Variants in PRPSAP1 observed in about 807,000 individuals in gnomAD.
PRPSAP1 encodes the protein phosphoribosyl pyrophosphate synthase-associated protein 1.
In PRPSAP1, 31 loss-of-function variants were observed where a neutral mutation model predicts 39.4. The observed-to-expected ratio is 0.79, with a 90% CI of 0.59 to 1.06. PRPSAP1 has a LOEUF of 1.06. Ranked by LOEUF, PRPSAP1 falls within the 50% of genes least tolerant of loss-of-function variation. PRPSAP1 has a pLI of 0.00. For missense variants in PRPSAP1, 430 were observed against 511.6 expected (o/e 0.84, Z 1.54); for synonymous variants, 212 against 192.6 (o/e 1.10, Z -0.83).
At chr17:76,331,164 G>C (rs183287737) in intron 4 of PRPSAP1, among the ~76,000 whole-genome samples, 19 of 152,240 alleles carry the variant, frequency 1.2e-4, no homozygotes, top group Admixed American at 1.2e-3. Context: ...AATGTTTCAA[G>C]TATTCTTATA....
At position 76,328,780 on chromosome 17, in the gene PRPSAP1, C is replaced by T; in HGVS notation, c.718G>A (p.Asp240Asn). ...EAQCTELDMD[D>N]GRHSPPMVKN... ...ACCATAGGCGGGGAGTGACGACCAT[C>T]GTCCATGTCCAGTTCCGTGCACTGA... The change falls in exon 7 of 10, where the codon GAT (aspartate) becomes AAT (asparagine). Residue 240 changes from aspartate to asparagine, a missense_variant. Physicochemically the swap from Asp to Asn is conservative, Grantham distance 23 (BLOSUM62 1). Around this residue, in one of 2 missense-constraint regions of PRPSAP1, gnomAD observed 278 missense variants for 376.3 expected, o/e 0.74. Coordinates refer to ENST00000446526, the MANE Select transcript of PRPSAP1 (RefSeq NM_002766.3). 1 of 1,614,172 alleles carries T rather than the reference C, an allele frequency of 6.2e-7. No individual in the cohort carries two copies. The highest frequency in any genetic ancestry group is 8.5e-7 in the Non-Finnish European group (1 of 1,180,034).
At chr17:76,352,663 A>AAG (rs1259102864) in intron 1 of PRPSAP1, among the ~76,000 whole-genome samples, 159 of 144,816 alleles carry the variant, frequency 1.1e-3, no homozygotes, top group South Asian at 2.3e-3. Context: ...AAAAAAAAAA[A>AAG]AAAAGAAAAG....
chr17:76,323,983 T>A (rs2071225526), intron 7 of PRPSAP1, among the ~76,000 whole-genome samples: 1 of 151,600 alleles, frequency 6.6e-6, no homozygotes, highest in South Asian at 2.1e-4. Context: ...CTGTCTCTAC[T>A]AATAATACAA....
At chr17:76,343,589 C>T (rs2071463207) in intron 3 of PRPSAP1, among the ~76,000 whole-genome samples, 1 of 152,182 alleles carries the variant, frequency 6.6e-6, no homozygotes, top group Non-Finnish European at 1.5e-5. Context: ...AATCCCAAAA[C>T]TTTGGGAGGC....
At chr17:76,321,557 A>ATTT (rs2071199077) in intron 7 of PRPSAP1, among the ~76,000 whole-genome samples, 2 of 151,976 alleles carry the variant, frequency 1.3e-5, no homozygotes, top group African/African-American at 2.4e-5. Flanking sequence ...AACTTAGTAA[A>ATTT]TGTGTATTCT....
chr17:76,334,557 T>C (rs385689), intron 3 of PRPSAP1, among the ~76,000 whole-genome samples: 126,850 of 151,756 alleles, frequency 0.84, 53,336 homozygotes, highest in African/African-American at 0.92. Flanking sequence ...CCAGGTTCAA[T>C]TCCTGGAACT....
At chr17:76,321,967 G>C (rs550869350) in intron 7 of PRPSAP1, among the ~76,000 whole-genome samples, 2 of 152,282 alleles carry the variant, frequency 1.3e-5, no homozygotes, top group Admixed American at 6.5e-5. Flanking sequence ...CCAGAGCAAG[G>C]CTTTTTCATG....
intron 3 of PRPSAP1, among the ~76,000 whole-genome samples, chr17:76,342,081 A>G (rs149055856): frequency 6.6e-6 from 1 of 152,294 alleles, no homozygotes; most frequent in African/African-American, 2.4e-5. Flanking sequence ...CCTTCCCTCA[A>G]TACCACAGGG....
intron 7 of PRPSAP1, among the ~76,000 whole-genome samples, chr17:76,326,844 T>C (rs1380978884): frequency 1.3e-5 from 2 of 152,092 alleles, no homozygotes; most frequent in Non-Finnish European, 2.9e-5. Context: ...ACTCTGGTTA[T>C]ATAAGAGTCT....
intron 7 of PRPSAP1, among the ~76,000 whole-genome samples, chr17:76,327,429 C>CG (rs1484446530): frequency 4.0e-5 from 6 of 151,880 alleles, no homozygotes; most frequent in African/African-American, 1.2e-4. Context: ...CTGAGGCAGG[C>CG]GGATCACAAT....
chr17:76,351,349 A>C (rs915681287), intron 1 of PRPSAP1, among the ~76,000 whole-genome samples: 1 of 152,096 alleles, frequency 6.6e-6, no homozygotes, highest in Non-Finnish European at 1.5e-5. Context: ...ACCCGTCTCT[A>C]CTAAAAATAC....
At chr17:76,347,484 CAAA>C (rs71161289) in intron 2 of PRPSAP1, among the ~76,000 whole-genome samples, 277 of 25,160 alleles carry the variant, frequency 0.011, no homozygotes, top group African/African-American at 0.027. Flanking sequence ...AAGACTCCGT[CAAA>C]AAAAAAAAAA....
intron 3 of PRPSAP1, among the ~76,000 whole-genome samples, chr17:76,333,256 G>A (rs570446883): frequency 9.2e-5 from 14 of 152,108 alleles, no homozygotes; most frequent in African/African-American, 1.4e-4. Flanking sequence ...GATTATAGGC[G>A]TGCACCACCA....
At chr17:76,341,586 G>A (rs1180452677) in intron 3 of PRPSAP1, among the ~76,000 whole-genome samples, 1 of 152,108 alleles carries the variant, frequency 6.6e-6, no homozygotes, top group Admixed American at 6.5e-5. Context: ...AAATTCTTTC[G>A]TTATCACAAA....
chr17:76,342,712 T>G (rs1440001060), intron 3 of PRPSAP1, among the ~76,000 whole-genome samples: 1 of 145,738 alleles, frequency 6.9e-6, no homozygotes, highest in Non-Finnish European at 1.5e-5. Context: ...AGCAAGACCC[T>G]GTCTCAAATT....
intron 4 of PRPSAP1, among the ~76,000 whole-genome samples, chr17:76,330,935 A>G (rs1460559539): frequency 1.3e-5 from 2 of 152,212 alleles, no homozygotes; most frequent in African/African-American, 4.8e-5. Flanking sequence ...GAAAAGAATA[A>G]TGTGGCAGAA....
intron 7 of PRPSAP1, among the ~76,000 whole-genome samples, chr17:76,325,899 C>A (rs1436202238): frequency 6.6e-6 from 1 of 152,086 alleles, no homozygotes; most frequent in African/African-American, 2.4e-5. Context: ...AGCCATTGCG[C>A]CTGGCCAACT....
chr17:76,326,594 G>A (rs900513475), intron 7 of PRPSAP1, among the ~76,000 whole-genome samples: 7 of 152,106 alleles, frequency 4.6e-5, no homozygotes, highest in East Asian at 3.8e-4. Flanking sequence ...TCACTTGATC[G>A]CACTGTTCAA....
In PRPSAP1 at chr17:76,311,178, T is replaced by C. The variant is rs2071066929; in HGVS notation, c.*364A>G. 1.2e-5 allele frequency: 2 copies of C among 160,902 alleles called. No individual in the cohort carries two copies. The highest frequency in any genetic ancestry group is 2.7e-5 in the Non-Finnish European group (2 of 74,240). The allele number at this position is 160,902 out of a possible 1,614,324, so 10.0% of individuals were successfully genotyped here. ...TCAGCTTCCCTAACCAGGTTCAACA[T>C]CAATACCTCCATTTCCCTGGAGCTG... On this transcript the variant is annotated 3_prime_UTR_variant, in exon 10 of 10. Coordinates refer to ENST00000446526, the MANE Select transcript of PRPSAP1 (RefSeq NM_002766.3).
Sources: allele counts gnomAD v4.1 joint callset (sites outside exome capture counted in the v4.1 genomes callset), GRCh38; gene constraint gnomAD v4.1.1; regional missense constraint gnomAD v4.1.1; transcripts MANE v1.5; gene names NCBI Gene and HGNC (gene_info 2026-07-23, HGNC 2026-07-21).